Variants in CLTA observed in about 807,000 individuals in gnomAD.
CLTA encodes clathrin light chain A.
Under a neutral mutation model 26.9 loss-of-function variants are expected in CLTA, and 9 were observed. That is an observed-to-expected ratio of 0.33 (90% CI 0.20 to 0.58). CLTA has a LOEUF of 0.58. Among genes scored for constraint, CLTA ranks in the 20% least tolerant of loss-of-function variants. The pLI is 0.85. For missense variants in CLTA, 278 were observed against 294.2 expected (o/e 0.94, Z 0.40); for synonymous variants, 120 against 115.5 (o/e 1.04, Z -0.25).
chr9:36,204,035 A>C, intron 3 of CLTA, 33 bp from the exon 4 acceptor site: 1 of 1,612,756 alleles, frequency 6.2e-7, no homozygotes, highest in Non-Finnish European at 8.5e-7. Context: ...CTTTGCCTCA[A>C]TTGTATTGTC....
chr9:36,200,552 A>T (rs537904696), intron 3 of CLTA, among the ~76,000 whole-genome samples: 6 of 152,374 alleles, frequency 3.9e-5, no homozygotes, highest in African/African-American at 1.4e-4. Flanking sequence ...ATAGGAAGGG[A>T]CATGACCCAG....
At chr9:36,203,170 A>G (rs990604003) in intron 3 of CLTA, among the ~76,000 whole-genome samples, 6 of 152,132 alleles carry the variant, frequency 3.9e-5, no homozygotes, top group Non-Finnish European at 7.3e-5. Flanking sequence ...CTACTGATGT[A>G]TGTCTCTTCA....
chr9:36,197,538 T>G lies in CLTA; in HGVS notation c.218-13T>G. 1 of 1,609,458 alleles carries G rather than the reference T, an allele frequency of 6.2e-7. No individual in the cohort carries two copies. The highest frequency in any genetic ancestry group is 8.5e-7 in the Non-Finnish European group (1 of 1,176,404). On this transcript the variant is annotated splice_polypyrimidine_tract_variant and intron_variant, in intron 1 of 4. Coordinates refer to ENST00000345519, the MANE Select transcript of CLTA (RefSeq NM_001833.4). ...CAGTCCTTATTGATAGACCAAAATC[T>G]TATGTCTTGCAGATGCTGTTGATGG...
chr9:36,191,026 C>G lies in CLTA; in HGVS notation c.-31C>G. Reference sequence around the variant, plus strand: ...GTGGGTCGGTTGGTTTTTGTCTCACCGTTGGTGTCCGTGCCGTTCAGTTGC... The same window carrying G: ...GTGGGTCGGTTGGTTTTTGTCTCACGGTTGGTGTCCGTGCCGTTCAGTTGC... On this transcript the variant is annotated 5_prime_UTR_variant, in exon 1 of 5. Transcript: ENST00000345519. 6.7e-7 allele frequency: 1 copy of G among 1,495,532 alleles called. No individual in the cohort carries two copies. The allele number at this position is 1,495,532 out of a possible 1,614,324, so 92.6% of individuals were successfully genotyped here. A position where few individuals can be genotyped will look rare whatever the true frequency, so the allele number is the denominator to read the frequency against.
At chr9:36,204,873 G>A (rs1489744583) in intron 4 of CLTA, among the ~76,000 whole-genome samples, 1 of 152,204 alleles carries the variant, frequency 6.6e-6, no homozygotes, top group East Asian at 1.9e-4. Context: ...AGGATATGTG[G>A]TGTTGCTTCC....
At chr9:36,205,526 C>T (rs1344603933) in intron 4 of CLTA, among the ~76,000 whole-genome samples, 5 of 152,152 alleles carry the variant, frequency 3.3e-5, no homozygotes, top group Non-Finnish European at 7.3e-5. Context: ...CAGCCTGCGA[C>T]CCCAGCATTT....
rs767845043 is a variant in CLTA at position 36,191,025 on chromosome 9, C to T, written c.-32C>T. 6.7e-6 allele frequency: 10 copies of T among 1,494,362 alleles called. No individual in the cohort carries two copies. In the South Asian group the frequency reaches 1.3e-4, roughly 20 times the overall value. The allele number at this position is 1,494,362 out of a possible 1,614,324, so 92.6% of individuals were successfully genotyped here. A position where few individuals can be genotyped will look rare whatever the true frequency, so the allele number is the denominator to read the frequency against. On this transcript the variant is annotated 5_prime_UTR_variant, in exon 1 of 5. Coordinates refer to ENST00000345519, the MANE Select transcript of CLTA (RefSeq NM_001833.4). ...GGTGGGTCGGTTGGTTTTTGTCTCA[C>T]CGTTGGTGTCCGTGCCGTTCAGTTG...
chr9:36,209,220 C>CT (rs747721747), intron 4 of CLTA: 2 of 1,612,412 alleles, frequency 1.2e-6, no homozygotes, highest in South Asian at 1.1e-5. Flanking sequence ...AATGTTCTCT[C>CT]TTTTTTCCTG....
chr9:36,195,510 GT>G (rs572840122), intron 1 of CLTA, among the ~76,000 whole-genome samples: 5 of 148,926 alleles, frequency 3.4e-5, no homozygotes, highest in African/African-American at 9.9e-5. Context: ...CCATGAGTTT[GT>G]TTTTTTTTTC....
rs757244515 is a variant in CLTA, at chr9:36,191,076, TCGGCGCCCCTGC to T, written c.32_43del (p.Ala11_Pro14del). ...CCCGCCATGGCTGAGCTGGATCCGT[TCGGCGCCCCTGC>T]CGGCGCCCCTGGCGGTCCCGCGCTG... On this transcript the variant is annotated inframe_deletion, in exon 1 of 5. Coordinates refer to ENST00000345519, the MANE Select transcript of CLTA (RefSeq NM_001833.4). 170 of 1,581,212 alleles carry T rather than the reference TCGGCGCCCCTGC, an allele frequency of 1.1e-4. No homozygotes were observed. Among genetic ancestry groups the T allele is most frequent in the African/African-American group, 7.4e-4 (54 of 73,064 alleles).
intron 3 of CLTA, among the ~76,000 whole-genome samples, chr9:36,202,659 C>T (rs1827483732): frequency 6.6e-6 from 1 of 152,178 alleles, no homozygotes; most frequent in East Asian, 1.9e-4. Flanking sequence ...TTTAGTTTTT[C>T]TCACTGCTGA....
chr9:36,210,870 C>T (rs1046365214), intron 4 of CLTA, among the ~76,000 whole-genome samples: 2 of 152,200 alleles, frequency 1.3e-5, no homozygotes, highest in African/African-American at 4.8e-5. Flanking sequence ...GCTGTCCTTT[C>T]CGGCTGTAGC....
chr9:36,194,065 A>T (rs1826892542), intron 1 of CLTA, among the ~76,000 whole-genome samples: 1 of 152,100 alleles, frequency 6.6e-6, no homozygotes. Flanking sequence ...TCGCTCTGTC[A>T]CCCAGGCTGG....
At position 36,197,547 on chromosome 9, in the gene CLTA, G is replaced by T; in HGVS notation, c.218-4G>T. 1 of 1,610,834 alleles carries T rather than the reference G, an allele frequency of 6.2e-7. No homozygotes were observed. The highest frequency in any genetic ancestry group is 8.5e-7 in the Non-Finnish European group (1 of 1,177,626). On this transcript the variant is annotated splice_polypyrimidine_tract_variant and splice_region_variant and intron_variant, in intron 1 of 4. Coordinates refer to ENST00000345519, the MANE Select transcript of CLTA (RefSeq NM_001833.4). The stretch of plus-strand genomic sequence containing the variant: ...TTGATAGACCAAAATCTTATGTCTT[G>T]CAGATGCTGTTGATGGAGTAATGAA...
In CLTA at chr9:36,191,231, G is replaced by C; in HGVS notation, c.175G>C (p.Ala59Pro). 1 of 1,540,402 alleles carries C rather than the reference G, an allele frequency of 6.5e-7. No homozygotes were observed. The highest frequency in any genetic ancestry group is 2.5e-5 in the East Asian group (1 of 40,120). Residue 59 changes from alanine to proline, a missense_variant, in exon 1 of 5, where the codon GCC becomes CCC. Coordinates refer to ENST00000345519, the MANE Select transcript of CLTA (RefSeq NM_001833.4). ...DEAFAILDGG[A>P]PGPQPHGEPP... Reference sequence around the variant, plus strand: ...GGCCTTCGCCATCCTGGACGGCGGCGCCCCCGGGCCCCAGCCGCACGGCGA... The same window carrying C: ...GGCCTTCGCCATCCTGGACGGCGGCCCCCCCGGGCCCCAGCCGCACGGCGA...
chr9:36,200,554 A>G (rs1179858958), intron 3 of CLTA, among the ~76,000 whole-genome samples: 1 of 152,252 alleles, frequency 6.6e-6, no homozygotes, highest in African/African-American at 2.4e-5. Context: ...AGGAAGGGAC[A>G]TGACCCAGAT....
chr9:36,191,434 G>A (rs1227000727), intron 1 of CLTA, among the ~76,000 whole-genome samples, 161 bp downstream of exon 1: 1 of 152,228 alleles, frequency 6.6e-6, no homozygotes, highest in Non-Finnish European at 1.5e-5. Flanking sequence ...CAGAAACCTA[G>A]GCTCGAGAAG....
chr9:36,191,702 A>G (rs2132843712), intron 1 of CLTA, among the ~76,000 whole-genome samples: 1 of 152,330 alleles, frequency 6.6e-6, no homozygotes, highest in East Asian at 1.9e-4. Flanking sequence ...GAATGGAAAT[A>G]TCGTTTTTGA....
At chr9:36,211,491 C>A in intron 4 of CLTA, 112 bp from the exon 5 acceptor site, 1 of 1,418,998 alleles carries the variant, frequency 7.0e-7, no homozygotes, top group Non-Finnish European at 9.5e-7. Context: ...TTGGGAAAGC[C>A]AGAATGTCAT....
Sources: gnomAD v4.1 joint callset for allele counts (sites outside exome capture counted in the v4.1 genomes callset) on GRCh38, gnomAD v4.1.1 for gene constraint, MANE v1.5 for transcripts, NCBI Gene and HGNC (gene_info 2026-07-23, HGNC 2026-07-21) for gene names.